RPRD2: variants seen among roughly 807,000 people sequenced by gnomAD.
RPRD2 encodes the protein regulation of nuclear pre-mRNA domain containing 2, also known as regulation of nuclear pre-mRNA domain-containing protein 2.
In RPRD2, 12 loss-of-function variants were observed where a neutral mutation model predicts 104.4. The observed-to-expected ratio is 0.11, with a 90% CI of 0.07 to 0.19. The LOEUF is 0.19. Among genes scored for constraint, RPRD2 ranks in the 10% least tolerant of loss-of-function variants. RPRD2 has a pLI of 1.00. For synonymous variants in RPRD2, 714 were observed against 684.9 expected (o/e 1.04, Z -0.66); for missense variants, 1,543 against 1,790.1 (o/e 0.86, Z 2.49).
In RPRD2 at chr1:150,472,393, G is replaced by A; in HGVS notation, c.3445G>A (p.Ala1149Thr). 1.9e-6 allele frequency: 3 copies of A among 1,613,996 alleles called. No individual in the cohort carries two copies. The highest frequency in any genetic ancestry group is 2.5e-6 in the Non-Finnish European group (3 of 1,179,888). The change falls in exon 11 of 11, where the codon GCA (alanine) becomes ACA (threonine). Residue 1149 changes from alanine to threonine, a missense_variant. By Grantham distance (58) the Ala-to-Thr change is moderately conservative (BLOSUM62 0). Transcript: ENST00000369068. ...DNGPSSASEL[A>T]SLGGGGSGGL... ...TGGCCCTTCAAGTGCCTCTGAGTTGGCATCCCTTGGGGGTGGGGGCAGCGG... is the reference window on the plus strand; with the variant it reads ...TGGCCCTTCAAGTGCCTCTGAGTTGACATCCCTTGGGGGTGGGGGCAGCGG...
intron 1 of RPRD2, among the ~76,000 whole-genome samples, chr1:150,391,650 G>A (rs1252130709): frequency 1.3e-5 from 2 of 152,254 alleles, no homozygotes; most frequent in Non-Finnish European, 2.9e-5. Flanking sequence ...GCTGACGCCT[G>A]TAATCCCAAC....
chr1:150,409,223 T>C (rs782406804), intron 1 of RPRD2, among the ~76,000 whole-genome samples: 1 of 152,188 alleles, frequency 6.6e-6, no homozygotes. Context: ...TGTTGAGGAA[T>C]TGATGTTGTG....
intron 2 of RPRD2, among the ~76,000 whole-genome samples, chr1:150,428,099 G>A (rs1277879262): frequency 1.3e-5 from 2 of 152,060 alleles, no homozygotes; most frequent in East Asian, 1.9e-4. Flanking sequence ...GATATTTGTC[G>A]TAGACTAAGT....
chr1:150,426,830 G>A (rs1355701569), intron 2 of RPRD2, among the ~76,000 whole-genome samples: 1 of 152,176 alleles, frequency 6.6e-6, no homozygotes, highest in South Asian at 2.1e-4. Flanking sequence ...TGTACTTAAT[G>A]CCATTTAATT....
At chr1:150,467,506 T>C (rs1321126677) in intron 10 of RPRD2, among the ~76,000 whole-genome samples, 1 of 152,028 alleles carries the variant, frequency 6.6e-6, no homozygotes, top group Non-Finnish European at 1.5e-5. Context: ...CTCGAGTAGC[T>C]GGTATTACAG....
At chr1:150,402,546 C>T (rs1307014948) in intron 1 of RPRD2, among the ~76,000 whole-genome samples, 1 of 152,126 alleles carries the variant, frequency 6.6e-6, no homozygotes, top group Non-Finnish European at 1.5e-5. Context: ...TGTGGTGGCA[C>T]ATGCCTGTGG....
chr1:150,451,738 A>C (rs1447441143), intron 7 of RPRD2, among the ~76,000 whole-genome samples: 1 of 151,794 alleles, frequency 6.6e-6, no homozygotes, highest in East Asian at 1.9e-4. Context: ...CCTTCAGTAC[A>C]TGTGAATGTG....
chr1:150,446,232 C>T lies in RPRD2; in HGVS notation c.701C>T (p.Thr234Ile). Residue 234 changes from threonine to isoleucine, a missense_variant, in exon 7 of 11, where the codon ACA (threonine) becomes ATA (isoleucine). Around this residue, in one of 4 missense-constraint regions of RPRD2, gnomAD observed 572 missense variants for 787.3 expected, o/e 0.73. Coordinates refer to ENST00000369068, the MANE Select transcript of RPRD2 (RefSeq NM_015203.5). ...ATTTCCCATGTCATTTTAGATAAAA[C>T]AGGTGGGAAGAAGTTCTCCAAAGAA... Reference protein sequence around the residue: ...TETLKCLKDKTGGKKFSKEFE... With the variant: ...TETLKCLKDKIGGKKFSKEFE... 1 of 1,567,068 alleles carries T rather than the reference C, an allele frequency of 6.4e-7. No homozygotes were observed. The highest frequency in any genetic ancestry group is 8.6e-7 in the Non-Finnish European group (1 of 1,162,026).
chr1:150,437,888 A>G (rs947154141), intron 2 of RPRD2, among the ~76,000 whole-genome samples: 8 of 151,204 alleles, frequency 5.3e-5, no homozygotes, highest in African/African-American at 1.9e-4. Flanking sequence ...CCTAAACTTT[A>G]CAATTTTCTA....
At chr1:150,421,442 A>C (rs1434153441) in intron 2 of RPRD2, among the ~76,000 whole-genome samples, 3 of 152,168 alleles carry the variant, frequency 2.0e-5, no homozygotes, top group Non-Finnish European at 4.4e-5. Context: ...TTATTTCCTA[A>C]TATGTTATTT....
rs1238517587 is a variant in RPRD2 at position 150,401,945 on chromosome 1, G to T, written c.206-15651G>T. 8.6e-4 allele frequency among the ~76,000 whole-genome samples: 118 copies of T among 137,346 alleles called. 1 individual carries two copies. The highest frequency in any genetic ancestry group is 4.8e-3 in the Admixed American group (67 of 13,930). The allele number at this position is 137,346 out of a possible 152,430, so 90.1% of individuals were successfully genotyped here. On this transcript the variant is annotated intron_variant, in intron 1 of 10. Transcript: ENST00000369068. The stretch of plus-strand genomic sequence containing the variant: ...GGCGTGAGCCACCGTGCCCAGTGGG[G>T]TTTTTTTTTTTAATTTTTTTTTTTT...
chr1:150,366,543 A>G (rs1659856544), intron 1 of RPRD2, among the ~76,000 whole-genome samples: 1 of 152,224 alleles, frequency 6.6e-6, no homozygotes, highest in Non-Finnish European at 1.5e-5. Flanking sequence ...TCACATGTTA[A>G]GTATCTGCTA....
At position 150,471,885 on chromosome 1, in the gene RPRD2, C is replaced by T. The variant is rs748718234; in HGVS notation, c.2937C>T (p.Asn979=). The T allele has an allele frequency of 2.4e-5, 38 of 1,614,014 alleles. No individual in the cohort carries two copies. Among genetic ancestry groups the T allele is most frequent in the Non-Finnish European group, 3.1e-5 (37 of 1,179,890 alleles). ...VPHRSLFSPQ[N]TLAAPTGHPP... ...ATCGTTCCCTTTTCTCTCCGCAGAA[C>T]ACCCTTGCCGCTCCCACGGGTCACC... Residue 979 remains asparagine (N), a synonymous_variant, in exon 11 of 11, where the codon AAC becomes AAT. Transcript: ENST00000369068. This position sits in a 1 kb window ranked among gnomAD's most constrained non-coding sequence, Gnocchi z 5.3.
intron 8 of RPRD2, among the ~76,000 whole-genome samples, chr1:150,459,180 A>AAATCTCTTATATCCCCAGCCTTCAAC (rs1667750770): frequency 6.6e-6 from 1 of 152,222 alleles, no homozygotes; most frequent in Non-Finnish European, 1.5e-5. Context: ...CAGCCTTCAT[A>AAATCTCTTATATCCCCAGCCTTCAAC]AATCTTATTA....
rs751515272 is a variant in RPRD2, at chr1:150,472,615, C to A, written c.3667C>A (p.His1223Asn). 91 of 1,613,820 alleles carry A rather than the reference C, an allele frequency of 5.6e-5. No individual in the cohort carries two copies. The Admixed American group carries it at 1.5e-3, about 26-fold the overall frequency. ...SSAPPVPPKD[H>N]GGIFSRDAPT... The stretch of plus-strand genomic sequence containing the variant: ...TGCCCCACCTGTCCCTCCTAAGGAT[C>A]ATGGTGGTATCTTCTCTCGAGATGC... The change falls in exon 11 of 11, where the codon CAT becomes AAT. Residue 1223 changes from histidine (H) to asparagine (N), a missense_variant. This residue lies in a region of RPRD2 where 880 missense variants were observed against 885.6 expected (regional missense o/e 0.99). Coordinates refer to ENST00000369068, the MANE Select transcript of RPRD2 (RefSeq NM_015203.5).
intron 2 of RPRD2, among the ~76,000 whole-genome samples, chr1:150,434,334 C>T (rs941472198): frequency 3.3e-5 from 5 of 151,720 alleles, no homozygotes; most frequent in African/African-American, 4.8e-5. Flanking sequence ...CCAGCCTGGG[C>T]GGCAGAGCAA....
intron 1 of RPRD2, among the ~76,000 whole-genome samples, chr1:150,391,489 A>C (rs1384710792): frequency 6.6e-6 from 1 of 152,212 alleles, no homozygotes; most frequent in African/African-American, 2.4e-5. Flanking sequence ...ACTTCAGGGA[A>C]AGGAAAATAA....
At chr1:150,431,159 G>A (rs1665540635) in intron 2 of RPRD2, among the ~76,000 whole-genome samples, 1 of 152,084 alleles carries the variant, frequency 6.6e-6, no homozygotes, top group Non-Finnish European at 1.5e-5. Flanking sequence ...GCTTAGAGAG[G>A]ATGTGGAAAA....
At chr1:150,400,477 G>T (rs959268064) in intron 1 of RPRD2, among the ~76,000 whole-genome samples, 2 of 152,150 alleles carry the variant, frequency 1.3e-5, no homozygotes, top group Admixed American at 6.6e-5. Flanking sequence ...ATCATCAGGC[G>T]TTGTTCTTAT....
Sources: allele counts gnomAD v4.1 joint callset (sites outside exome capture counted in the v4.1 genomes callset), GRCh38; gene constraint gnomAD v4.1.1; regional missense constraint gnomAD v4.1.1; non-coding constraint Gnocchi (gnomAD v3.1); transcripts MANE v1.5; gene names NCBI Gene and HGNC (gene_info 2026-07-23, HGNC 2026-07-21).